STXBP5L: variants seen among roughly 807,000 people sequenced by gnomAD.
STXBP5L encodes syntaxin-binding protein 5-like.
In STXBP5L, 65 loss-of-function variants were observed where a neutral mutation model predicts 144.5. That is an observed-to-expected ratio of 0.45 (90% confidence interval 0.37 to 0.55). The LOEUF (loss-of-function observed/expected upper bound fraction) is 0.55, where lower values mean the gene tolerates loss of function less well. Among genes scored for constraint, STXBP5L ranks in the 20% least tolerant of loss-of-function variants. The pLI, the probability that STXBP5L is intolerant of heterozygous loss-of-function variation, is 0.00. For missense variants in STXBP5L, 1,298 were observed against 1,405.5 expected (o/e 0.92, Z 1.22); for synonymous variants, 505 against 469.6 (o/e 1.08, Z -0.97).
At chr3:121,054,593 G>C (rs757943390) in intron 5 of STXBP5L, among the ~76,000 whole-genome samples, 2 of 107,230 alleles carry the variant, frequency 1.9e-5, no homozygotes, top group African/African-American at 7.4e-5. Flanking sequence ...CTGTTGTGGG[G>C]TGGGGGGAGG....
intron 3 of STXBP5L, among the ~76,000 whole-genome samples, chr3:120,983,857 A>G (rs1291826584): frequency 1.3e-5 from 2 of 152,162 alleles, no homozygotes; most frequent in Non-Finnish European, 2.9e-5. Context: ...CAATCCATTC[A>G]AAGTGTGTAT....
At chr3:121,126,490 C>T (rs1055037683) in intron 7 of STXBP5L, among the ~76,000 whole-genome samples, 1 of 152,244 alleles carries the variant, frequency 6.6e-6, no homozygotes, top group South Asian at 2.1e-4. Flanking sequence ...TTAAACTCTT[C>T]CATGCAGTGA....
intron 3 of STXBP5L, among the ~76,000 whole-genome samples, chr3:120,977,355 G>C (rs955383180): frequency 1.1e-4 from 17 of 152,202 alleles, no homozygotes; most frequent in East Asian, 5.8e-4. Context: ...TTGTCAGAGA[G>C]TAGGATTGCA....
chr3:121,371,550 G>A (rs1487439775), intron 20 of STXBP5L, among the ~76,000 whole-genome samples: 1 of 151,940 alleles, frequency 6.6e-6, no homozygotes, highest in Admixed American at 6.5e-5. Flanking sequence ...GCTGCAGCAG[G>A]GTGCTGGTAG....
At position 121,241,368 on chromosome 3, in the gene STXBP5L, CACACACAT is replaced by C. The variant is rs1412660263; in HGVS notation, c.1400+869_1400+876del. On this transcript the variant is annotated intron_variant, in intron 14 of 26. Coordinates refer to ENST00000471454, the MANE Select transcript of STXBP5L (RefSeq NM_001308330.2). ...TCTCTACTTAGGTTTAACAACAACACACACACATACACACACACACACACACACACACA... is the reference window on the plus strand; with the variant it reads ...TCTCTACTTAGGTTTAACAACAACACACACACACACACACACACACACACA... 1.0e-4 allele frequency among the ~76,000 whole-genome samples: 9 copies of C among 86,722 alleles called. No individual in the cohort carries two copies. The East Asian group carries it at 2.3e-3, about 22-fold the overall frequency. The allele number at this position is 86,722 out of a possible 152,430, so 56.9% of individuals were successfully genotyped here.
At chr3:121,353,615 G>T (rs149613577) in intron 20 of STXBP5L, among the ~76,000 whole-genome samples, 2,909 of 151,942 alleles carry the variant, frequency 0.019, 100 homozygotes, top group African/African-American at 0.067. Flanking sequence ...CAATTTTGTT[G>T]ATCTTTTCAA....
intron 9 of STXBP5L, among the ~76,000 whole-genome samples, chr3:121,188,050 C>G (rs2047474736): frequency 6.6e-6 from 1 of 152,074 alleles, no homozygotes. Flanking sequence ...TTCTTAGATA[C>G]TTACAAAGAG....
intron 5 of STXBP5L, among the ~76,000 whole-genome samples, chr3:121,051,134 T>C (rs959969488): frequency 1.1e-4 from 16 of 152,124 alleles, no homozygotes; most frequent in Admixed American, 3.9e-4. Flanking sequence ...ACAATAATAA[T>C]GGGAGACTTT....
chr3:121,303,006 G>C (rs567520673), intron 19 of STXBP5L, among the ~76,000 whole-genome samples: 1 of 152,136 alleles, frequency 6.6e-6, no homozygotes, highest in South Asian at 2.1e-4. Context: ...AAAAGCAATG[G>C]CAACAAAAGC....
At position 120,997,258 on chromosome 3, in the gene STXBP5L, G is replaced by A. The variant is rs543163622; in HGVS notation, c.287+42221G>A. On this transcript the variant is annotated intron_variant, in intron 3 of 26. Transcript: ENST00000471454. ...ATAGTGCTTCACTGAACATATGCAT[G>A]CATGTGTCTTTATGGTAGAATGATT... is the stretch of plus-strand genomic sequence containing the variant. 7.6e-4 allele frequency among the ~76,000 whole-genome samples: 115 copies of A among 152,256 alleles called. 2 individuals are homozygous for A. In the South Asian group the frequency reaches 0.023, roughly 31 times the overall value.
intron 5 of STXBP5L, among the ~76,000 whole-genome samples, chr3:121,053,682 G>A (rs1948214516): frequency 6.6e-6 from 1 of 152,138 alleles, no homozygotes; most frequent in African/African-American, 2.4e-5. Context: ...GCATGGGCAA[G>A]GACTTCATGT....
intron 20 of STXBP5L, among the ~76,000 whole-genome samples, chr3:121,320,516 A>G (rs2043934401): frequency 6.6e-6 from 1 of 152,114 alleles, no homozygotes; most frequent in Non-Finnish European, 1.5e-5. Flanking sequence ...TAGATGTGGT[A>G]TAAGTAGACT....
chr3:120,976,167 C>G (rs963015964), intron 3 of STXBP5L, among the ~76,000 whole-genome samples: 42 of 152,326 alleles, frequency 2.8e-4, no homozygotes, highest in South Asian at 2.1e-4. Flanking sequence ...GTGAATCCAT[C>G]TGGTCCTGGA....
intron 5 of STXBP5L, among the ~76,000 whole-genome samples, chr3:121,058,624 C>A (rs898707480): frequency 6.6e-6 from 1 of 152,224 alleles, no homozygotes; most frequent in Non-Finnish European, 1.5e-5. Flanking sequence ...TCTCCAAATC[C>A]TCTCCAGCAT....
intron 2 of STXBP5L, among the ~76,000 whole-genome samples, chr3:120,948,774 T>C (rs966062778): frequency 6.6e-6 from 1 of 151,980 alleles, no homozygotes; most frequent in African/African-American, 2.4e-5. Flanking sequence ...ACGGTGTATA[T>C]ATACCACATT....
At chr3:121,331,099 G>C (rs190825076) in intron 20 of STXBP5L, among the ~76,000 whole-genome samples, 4 of 152,300 alleles carry the variant, frequency 2.6e-5, no homozygotes, top group Admixed American at 2.6e-4. Flanking sequence ...TGCGGCTAGG[G>C]GAAGAGGGAG....
At chr3:121,034,706 T>C (rs1408237869) in intron 3 of STXBP5L, among the ~76,000 whole-genome samples, 1 of 152,148 alleles carries the variant, frequency 6.6e-6, no homozygotes, top group African/African-American at 2.4e-5. Context: ...ATCTTTTTGG[T>C]ATAATGATTT....
intron 5 of STXBP5L, among the ~76,000 whole-genome samples, chr3:121,051,828 G>C (rs1404444982): frequency 6.6e-6 from 1 of 152,046 alleles, no homozygotes; most frequent in Non-Finnish European, 1.5e-5. Flanking sequence ...CAACAAAATT[G>C]ATAGACCGCT....
chr3:121,004,662 A>G (rs1944109791), intron 3 of STXBP5L, among the ~76,000 whole-genome samples: 1 of 152,108 alleles, frequency 6.6e-6, no homozygotes, highest in Non-Finnish European at 1.5e-5. Flanking sequence ...GTTTTTGCCC[A>G]TTTGGTATGA....
Sources: allele counts gnomAD v4.1 joint callset (sites outside exome capture counted in the v4.1 genomes callset), GRCh38; gene constraint gnomAD v4.1.1; transcripts MANE v1.5; gene names NCBI Gene and HGNC (gene_info 2026-07-23, HGNC 2026-07-21).